SLC3A1: variants seen among roughly 807,000 people sequenced by gnomAD.
SLC3A1 encodes the protein amino acid transporter heavy chain SLC3A1.
In SLC3A1, 78 loss-of-function variants were observed where a neutral mutation model predicts 60.3. The ratio of observed to expected loss-of-function variants is 1.29; its 90% confidence interval spans 1.08 to 1.56. The LOEUF (loss-of-function observed/expected upper bound fraction) is 1.56. SLC3A1 is among the 40% of genes most tolerant of loss of function. The pLI, the probability that SLC3A1 is intolerant of heterozygous loss-of-function variation, is 0.00. For synonymous variants in SLC3A1, 392 were observed against 307.9 expected, an observed-to-expected ratio of 1.27 and a Z score of -2.86; for missense variants, 1,172 against 858.9, an observed-to-expected ratio of 1.36 and a Z score of -4.56.
At chr2:44,288,848 T>A (rs114173714) in intron 4 of SLC3A1, among the ~76,000 whole-genome samples, 12 of 152,340 alleles carry the variant, frequency 7.9e-5, no homozygotes, top group Non-Finnish European at 1.5e-4. Flanking sequence ...TTATTTATTT[T>A]TTTTGAGATA....
chr2:44,310,439 C>A (rs1672265983), intron 7 of SLC3A1, among the ~76,000 whole-genome samples: 1 of 151,928 alleles, frequency 6.6e-6, no homozygotes, highest in South Asian at 2.1e-4. Flanking sequence ...TTCTTTCTTT[C>A]ATCACTTTGA....
At chr2:44,301,372 G>C (rs1672002429) in intron 6 of SLC3A1, 1 of 607,382 alleles carries the variant, frequency 1.6e-6, no homozygotes, top group Non-Finnish European at 2.9e-6. Context: ...CAGGAGTTTT[G>C]TGAAAATTAG....
In SLC3A1 at chr2:44,320,417, G is replaced by A. The variant is rs376256364; in HGVS notation, c.1836G>A (p.Ser612=). ...STLLNLHNMI[S]GLPAKMRIRL... is the part of the protein sequence containing the mutation. ...TGTTAAATCTACATAATATGATTTC[G>A]GGCCTTCCCGCTAAAATGAGAATAA... The change falls in exon 10 of 10, where the codon TCG becomes TCA. Residue 612 remains serine (S), a synonymous_variant. Transcript: ENST00000260649. The A allele has an allele frequency of 1.4e-5, 23 of 1,613,824 alleles. No homozygotes were observed. The highest frequency in any genetic ancestry group is 1.6e-4 in the Middle Eastern group (1 of 6,082).
intron 3 of SLC3A1, 174 bp from the exon 4 acceptor site, chr2:44,285,858 G>T: frequency 1.3e-6 from 1 of 795,832 alleles, no homozygotes; most frequent in South Asian, 1.4e-5. Flanking sequence ...TGAGGCATTA[G>T]GCCAATGGGG....
chr2:44,315,653 C>CTAAA (rs1672413023), intron 9 of SLC3A1, among the ~76,000 whole-genome samples: 1 of 52,618 alleles, frequency 1.9e-5, no homozygotes, highest in Non-Finnish European at 3.3e-5. Flanking sequence ...AAGACCGCCT[C>CTAAA]AAAAAAAAAA....
At chr2:44,302,966 A>C (rs1672053568) in intron 6 of SLC3A1, among the ~76,000 whole-genome samples, 1 of 152,140 alleles carries the variant, frequency 6.6e-6, no homozygotes, top group African/African-American at 2.4e-5. Flanking sequence ...TGGGAGGCCA[A>C]GGCAGGCACA....
At chr2:44,322,286 G>T (rs977265059), downstream of SLC3A1, among the ~76,000 whole-genome samples, 2 of 152,166 alleles carry the variant, frequency 1.3e-5, no homozygotes, top group Non-Finnish European at 2.9e-5. Context: ...AGGCAAAAGG[G>T]AGGGATTCTT....
downstream of SLC3A1, chr2:44,321,823 A>G (rs1363656459): frequency 1.2e-6 from 2 of 1,613,864 alleles, no homozygotes; most frequent in Non-Finnish European, 1.7e-6. Context: ...CCTTGATAAC[A>G]TACCTTTTTG....
chr2:44,300,866 C>T, intron 5 of SLC3A1, 137 bp from the exon 6 acceptor site: 1 of 901,696 alleles, frequency 1.1e-6, no homozygotes, highest in Non-Finnish European at 1.8e-6. Flanking sequence ...GCATTCTTCT[C>T]CATCCACAAA....
At chr2:44,285,478 T>G in intron 3 of SLC3A1, 1 of 353,070 alleles carries the variant, frequency 2.8e-6, no homozygotes, top group South Asian at 2.3e-5. Flanking sequence ...TGTGAGCATT[T>G]CCAGACAGAG....
intron 3 of SLC3A1, among the ~76,000 whole-genome samples, chr2:44,282,693 G>T (rs891792272): frequency 1.3e-5 from 2 of 151,996 alleles, no homozygotes; most frequent in Non-Finnish European, 2.9e-5. Flanking sequence ...GAGTGCAGTG[G>T]CTTGATCATG....
At chr2:44,321,890 G>C (rs1672994762), downstream of SLC3A1, 1 of 1,612,894 alleles carries the variant, frequency 6.2e-7, no homozygotes, top group Non-Finnish European at 8.5e-7. Context: ...TAATATTAGG[G>C]GTCTGATAGC....
chr2:44,314,949 G>A (rs1320039035), intron 9 of SLC3A1: 5 of 10,128 alleles, frequency 4.9e-4, no homozygotes, highest in Non-Finnish European at 1.0e-3. Context: ...TTTTTTTTTT[G>A]AGATGGAGTT....
intron 4 of SLC3A1, among the ~76,000 whole-genome samples, chr2:44,291,854 G>A (rs1671746544): frequency 6.6e-6 from 1 of 152,124 alleles, no homozygotes; most frequent in Non-Finnish European, 1.5e-5. Flanking sequence ...AAATCCAGCA[G>A]AGAGCACCCT....
intron 4 of SLC3A1, among the ~76,000 whole-genome samples, chr2:44,291,110 G>C (rs1671732049): frequency 6.6e-6 from 1 of 152,192 alleles, no homozygotes; most frequent in Non-Finnish European, 1.5e-5. Flanking sequence ...ACTCGGACTT[G>C]AGTTCATGCT....
intron 3 of SLC3A1, among the ~76,000 whole-genome samples, chr2:44,283,336 T>G (rs1671542951): frequency 6.6e-6 from 1 of 152,190 alleles, no homozygotes; most frequent in African/African-American, 2.4e-5. Flanking sequence ...GTTTCACCTC[T>G]TTTTTTCCTC....
chr2:44,306,208 G>A (rs529867819), intron 7 of SLC3A1, among the ~76,000 whole-genome samples: 2 of 152,242 alleles, frequency 1.3e-5, no homozygotes, highest in Non-Finnish European at 2.9e-5. Flanking sequence ...GGTTTGATCT[G>A]GGCCCTGAAA....
chr2:44,296,061 T>G (rs1265951601), intron 4 of SLC3A1, among the ~76,000 whole-genome samples: 1 of 152,192 alleles, frequency 6.6e-6, no homozygotes, highest in Admixed American at 6.5e-5. Flanking sequence ...TTAAGTTTGG[T>G]TAGCTTCATA....
Position 44,312,651 on chromosome 2 carries a change from C to G in SLC3A1, c.1398C>G (p.Asn466Lys). The change falls in exon 8 of 10, where the codon AAC (asparagine) becomes AAG (lysine). Residue 466 changes from asparagine (N) to lysine (K), a missense_variant. Coordinates refer to ENST00000260649, the MANE Select transcript of SLC3A1 (RefSeq NM_000341.4). ...RLGNQYVNVM[N>K]MLLFTLPGTP... ...GGAATCAGTATGTCAACGTGATGAACATGCTTCTTTTCACACTCCCTGGAA... is the reference window on the plus strand; with the variant it reads ...GGAATCAGTATGTCAACGTGATGAAGATGCTTCTTTTCACACTCCCTGGAA... The G allele has an allele frequency of 6.2e-7, 1 of 1,613,866 alleles. No homozygotes were observed. The highest frequency in any genetic ancestry group is 8.5e-7 in the Non-Finnish European group (1 of 1,179,792).
Sources: allele counts gnomAD v4.1 joint callset (sites outside exome capture counted in the v4.1 genomes callset), GRCh38; gene constraint gnomAD v4.1.1; transcripts MANE v1.5; gene names NCBI Gene and HGNC (gene_info 2026-07-23, HGNC 2026-07-21).